Variants in OS9 observed in about 807,000 individuals in gnomAD.
OS9 encodes the protein protein OS-9.
OS9 carries 58 observed loss-of-function variants against 84.7 expected under a neutral mutation model. The observed-to-expected ratio is 0.68, with a 90% CI of 0.55 to 0.85. The LOEUF is 0.85. Among genes scored for constraint, OS9 ranks in the 40% least tolerant of loss-of-function variants. The pLI, the probability that OS9 is intolerant of heterozygous loss-of-function variation, is 0.00. For missense variants in OS9, 760 were observed against 850.9 expected (o/e 0.89, Z 1.33); for synonymous variants, 278 against 320.8 (o/e 0.87, Z 1.43).
chr12:57,699,497 A>T (rs1335325268), intron 5 of OS9, among the ~76,000 whole-genome samples: 1 of 152,206 alleles, frequency 6.6e-6, no homozygotes, highest in African/African-American at 2.4e-5. Flanking sequence ...GAAACGAGGA[A>T]GGACACATTT....
intron 5 of OS9, among the ~76,000 whole-genome samples, chr12:57,697,493 C>T (rs992489961): frequency 6.6e-6 from 1 of 152,158 alleles, no homozygotes; most frequent in Non-Finnish European, 1.5e-5. Flanking sequence ...TCATGGATTA[C>T]TTCAAGATTT....
intron 1 of OS9, 30 bp from the exon 2 acceptor site, chr12:57,694,720 C>G: frequency 6.2e-7 from 1 of 1,611,210 alleles, no homozygotes; most frequent in South Asian, 1.1e-5. Context: ...TCTTTGCTTC[C>G]TTGCCCCCCG....
At chr12:57,697,913 ACACACACACATACACACACAC>A (rs1565767043) in intron 5 of OS9, among the ~76,000 whole-genome samples, 23,041 of 123,388 alleles carry the variant, frequency 0.19, 2,553 homozygotes, top group Admixed American at 0.3. Context: ...AAGCAAACAC[ACACACACACATACACACACAC>A]ACACACACAC....
intron 5 of OS9, among the ~76,000 whole-genome samples, chr12:57,698,300 T>A (rs1200632231): frequency 1.1e-5 from 1 of 92,726 alleles, no homozygotes. Flanking sequence ...TATAATCCGT[T>A]ATAGCACTTC....
chr12:57,701,113 TG>T (rs1308032985), intron 5 of OS9, among the ~76,000 whole-genome samples: 1 of 152,182 alleles, frequency 6.6e-6, no homozygotes, highest in Non-Finnish European at 1.5e-5. Flanking sequence ...TCACTATGTT[TG>T]TTTTGTATTT....
chr12:57,702,340 C>T (rs940346059), intron 5 of OS9, among the ~76,000 whole-genome samples: 3 of 152,162 alleles, frequency 2.0e-5, no homozygotes, highest in African/African-American at 7.2e-5. Flanking sequence ...CAAGATTTGT[C>T]CTTTTGTGTC....
chr12:57,720,540 G>GTC, intron 14 of OS9, 22 bp downstream of exon 14: 1 of 1,540,716 alleles, frequency 6.5e-7, no homozygotes, highest in African/African-American at 1.4e-5. Context: ...CTACCCCCGA[G>GTC]TCCTGGCCCC....
At chr12:57,705,644 A>T (rs900999275) in intron 5 of OS9, among the ~76,000 whole-genome samples, 1 of 151,612 alleles carries the variant, frequency 6.6e-6, no homozygotes, top group Non-Finnish European at 1.5e-5. Flanking sequence ...CTCTGCCTCA[A>T]CCTCCCGAGT....
intron 4 of OS9, 39 bp from the exon 5 acceptor site, chr12:57,696,236 T>C: frequency 2.7e-6 from 4 of 1,508,370 alleles, no homozygotes; most frequent in Non-Finnish European, 3.7e-6. Context: ...CTTTGCTATC[T>C]TTCTCATGTC....
intron 9 of OS9, 55 bp from the exon 10 acceptor site, chr12:57,717,815 A>ATTT: frequency 4.9e-6 from 5 of 1,015,646 alleles, no homozygotes; most frequent in Admixed American, 2.6e-5. Context: ...AAAAAAAAAA[A>ATTT]AAAAGAATTT....
chr12:57,699,791 A>C (rs1953965488), intron 5 of OS9, among the ~76,000 whole-genome samples: 1 of 152,156 alleles, frequency 6.6e-6, no homozygotes, highest in Non-Finnish European at 1.5e-5. Flanking sequence ...GGTGTTGAGA[A>C]AAGTGGTGAA....
intron 8 of OS9, 43 bp downstream of exon 8, chr12:57,716,555 G>T (rs761158620): frequency 6.5e-7 from 1 of 1,529,764 alleles, no homozygotes; most frequent in African/African-American, 1.4e-5. Context: ...GGATGGGGAG[G>T]GTCACTGCAG....
intron 5 of OS9, among the ~76,000 whole-genome samples, chr12:57,709,748 G>C (rs1954273641): frequency 6.6e-6 from 1 of 151,698 alleles, no homozygotes; most frequent in Admixed American, 6.6e-5. Context: ...GTTTAATTTT[G>C]AAATTAAATA....
At chr12:57,699,281 A>G (rs1953951787) in intron 5 of OS9, among the ~76,000 whole-genome samples, 1 of 152,228 alleles carries the variant, frequency 6.6e-6, no homozygotes, top group African/African-American at 2.4e-5. Flanking sequence ...TCTGGAGTTC[A>G]GCAGAGAGAT....
chr12:57,714,184 A>G (rs777112410), intron 5 of OS9, among the ~76,000 whole-genome samples: 7 of 152,094 alleles, frequency 4.6e-5, no homozygotes, highest in Non-Finnish European at 8.8e-5. Flanking sequence ...AAAATTTCCA[A>G]AGAGTTTAAA....
At chr12:57,694,600 C>A in intron 1 of OS9, 150 bp from the exon 2 acceptor site, 1 of 818,756 alleles carries the variant, frequency 1.2e-6, no homozygotes, top group Non-Finnish European at 2.0e-6. Context: ...AGCGCCCTCT[C>A]CTCTCACCCA....
intron 5 of OS9, among the ~76,000 whole-genome samples, chr12:57,710,591 T>G (rs1162955398): frequency 2.6e-5 from 4 of 152,226 alleles, no homozygotes; most frequent in East Asian, 3.8e-4. Flanking sequence ...CATTTTCAGC[T>G]TTTCCTCTTT....
intron 12 of OS9, chr12:57,719,491 C>T (rs1035577947): frequency 2.4e-5 from 8 of 340,030 alleles, no homozygotes; most frequent in Non-Finnish European, 4.3e-5. Flanking sequence ...TAATTGAATG[C>T]TTGTGAGTCT....
At chr12:57,706,754 C>G (rs1449593507) in intron 5 of OS9, among the ~76,000 whole-genome samples, 1 of 143,706 alleles carries the variant, frequency 7.0e-6, no homozygotes, top group African/African-American at 2.6e-5. Flanking sequence ...GAGGCTGAAG[C>G]AGGAGGATTG....
Sources: gnomAD v4.1 joint callset for allele counts (sites outside exome capture counted in the v4.1 genomes callset) on GRCh38, gnomAD v4.1.1 for gene constraint, MANE v1.5 for transcripts, NCBI Gene and HGNC (gene_info 2026-07-23, HGNC 2026-07-21) for gene names.